SLC25A24: variants seen among roughly 807,000 people sequenced by gnomAD.
SLC25A24 encodes solute carrier family 25 member 24, also known as mitochondrial adenyl nucleotide antiporter SLC25A24.
In SLC25A24, 49 loss-of-function variants were observed where a neutral mutation model predicts 60.7. That is an observed-to-expected ratio of 0.81 (90% CI 0.64 to 1.02). The LOEUF (loss-of-function observed/expected upper bound fraction) is 1.02, where lower values mean the gene tolerates loss of function less well. Ranked by LOEUF, SLC25A24 falls within the 50% of genes least tolerant of loss-of-function variation. The pLI, the probability that SLC25A24 is intolerant of heterozygous loss-of-function variation, is 0.00. For missense variants in SLC25A24, 564 were observed against 586.3 expected (o/e 0.96, Z 0.39); for synonymous variants, 202 against 200.6 (o/e 1.01, Z -0.06).
intron 3 of SLC25A24, among the ~76,000 whole-genome samples, chr1:108,167,930 G>T (rs1186210355): frequency 6.6e-6 from 1 of 152,240 alleles, no homozygotes; most frequent in East Asian, 1.9e-4. Context: ...AATGCCATTT[G>T]TATCTGTTTT....
rs539506711 is a variant in SLC25A24 at position 108,140,555 on chromosome 1, C to A, written c.1099-1347G>T. 2.7e-4 allele frequency among the ~76,000 whole-genome samples: 41 copies of A among 151,616 alleles called. 1 individual carries two copies. The highest frequency in any genetic ancestry group is 8.0e-4 in the African/African-American group (33 of 41,344). On this transcript the variant is annotated intron_variant, in intron 8 of 9. Transcript: ENST00000565488. ...CTAAATTTCAAAAACAAAATTTAAA[C>A]AGAATTTAAAGAAGAAAAGCATAAA...
intron 3 of SLC25A24, among the ~76,000 whole-genome samples, chr1:108,170,311 A>G (rs553385591): frequency 1.3e-5 from 2 of 152,292 alleles, no homozygotes; most frequent in South Asian, 4.1e-4. Context: ...TTTAATGCAT[A>G]GTGGTCAGAG....
intron 3 of SLC25A24, among the ~76,000 whole-genome samples, chr1:108,171,568 C>A (rs1435609467): frequency 6.6e-6 from 1 of 152,146 alleles, no homozygotes; most frequent in African/African-American, 2.4e-5. Context: ...CTTCCACTCA[C>A]CCTTTTCAGT....
chr1:108,156,058 C>A (rs1455479566), intron 5 of SLC25A24, among the ~76,000 whole-genome samples: 1 of 152,158 alleles, frequency 6.6e-6, no homozygotes. Flanking sequence ...GAACTCTGCA[C>A]ACCAAAGGCT....
chr1:108,136,696 A>G lies in SLC25A24; in HGVS notation c.1391T>C (p.Val464Ala), dbSNP rs1465021445. 1.2e-6 allele frequency: 2 copies of G among 1,613,464 alleles called. No individual in the cohort carries two copies. The highest frequency in any genetic ancestry group is 1.3e-5 in the African/African-American group (1 of 74,934). The stretch of plus-strand genomic sequence containing the variant: ...TAAAGTTTGCTTCATATTTTCATAA[A>G]CCACATAACTGATGCCTACAGCAGG... ...VLPAVGISYV[V>A]YENMKQTLGV... Residue 464 changes from valine to alanine, a missense_variant, in exon 10 of 10, where the codon GTT (valine) becomes GCT (alanine). Transcript: ENST00000565488.
intron 1 of SLC25A24, among the ~76,000 whole-genome samples, chr1:108,188,010 T>C (rs935678791): frequency 6.8e-6 from 1 of 147,336 alleles, no homozygotes; most frequent in South Asian, 2.1e-4. Flanking sequence ...AGTAAGGTTA[T>C]AGTACTATAT....
chr1:108,186,108 T>A (rs1427823683), intron 1 of SLC25A24, among the ~76,000 whole-genome samples, 154 bp from the exon 2 acceptor site: 1 of 152,238 alleles, frequency 6.6e-6, no homozygotes, highest in Non-Finnish European at 1.5e-5. Flanking sequence ...CAAAGATCTA[T>A]AATAAAAGTA....
intron 3 of SLC25A24, among the ~76,000 whole-genome samples, chr1:108,168,696 G>C (rs887599392): frequency 3.2e-4 from 48 of 152,280 alleles, no homozygotes; most frequent in Admixed American, 3.1e-3. Context: ...CTAACCGGTT[G>C]TATGTCTTTT....
chr1:108,196,786 C>T (rs1271707227), intron 1 of SLC25A24, among the ~76,000 whole-genome samples: 2 of 151,370 alleles, frequency 1.3e-5, no homozygotes, highest in African/African-American at 2.4e-5. Context: ...AAGCACTAAT[C>T]CCATTCATGA....
chr1:108,198,180 C>A (rs1018808730), intron 1 of SLC25A24, among the ~76,000 whole-genome samples: 5 of 152,182 alleles, frequency 3.3e-5, no homozygotes, highest in Admixed American at 2.6e-4. Context: ...AAATAAATGT[C>A]TTTTCTTTAT....
chr1:108,180,198 T>C (rs548281519), intron 3 of SLC25A24, among the ~76,000 whole-genome samples: 6 of 145,190 alleles, frequency 4.1e-5, no homozygotes. Flanking sequence ...AACCCGTCTC[T>C]AGTAAAAATA....
intron 2 of SLC25A24, among the ~76,000 whole-genome samples, chr1:108,183,667 C>A (rs529535323): frequency 6.6e-5 from 10 of 152,250 alleles, no homozygotes; most frequent in Admixed American, 2.0e-4. Flanking sequence ...GGCTTTCTTG[C>A]ACTTAGGAAC....
chr1:108,139,965 C>A (rs1301863123), intron 8 of SLC25A24, among the ~76,000 whole-genome samples: 1 of 152,118 alleles, frequency 6.6e-6, no homozygotes, highest in African/African-American at 2.4e-5. Flanking sequence ...AAAGGCCATA[C>A]TTTATCCCTG....
At chr1:108,167,311 G>T (rs1680285813) in intron 3 of SLC25A24, among the ~76,000 whole-genome samples, 1 of 151,950 alleles carries the variant, frequency 6.6e-6, no homozygotes, top group Non-Finnish European at 1.5e-5. Context: ...AGCTGTGGTG[G>T]GCTCCACCCA....
intron 2 of SLC25A24, among the ~76,000 whole-genome samples, chr1:108,184,569 T>C (rs1648053406): frequency 6.6e-6 from 1 of 152,240 alleles, no homozygotes; most frequent in Non-Finnish European, 1.5e-5. Flanking sequence ...TTGCTTTGAA[T>C]TAAACTTTAA....
At chr1:108,184,702 T>C (rs1648059392) in intron 2 of SLC25A24, among the ~76,000 whole-genome samples, 1 of 152,222 alleles carries the variant, frequency 6.6e-6, no homozygotes, top group African/African-American at 2.4e-5. Context: ...ATATTATCCA[T>C]GGCTGCTTTT....
At chr1:108,190,375 T>A (rs1648306653) in intron 1 of SLC25A24, among the ~76,000 whole-genome samples, 1 of 152,168 alleles carries the variant, frequency 6.6e-6, no homozygotes. Flanking sequence ...TCTGACCATT[T>A]GGGGCTGTTA....
At chr1:108,169,758 T>C (rs1306475156) in intron 3 of SLC25A24, among the ~76,000 whole-genome samples, 3 of 152,348 alleles carry the variant, frequency 2.0e-5, no homozygotes, top group African/African-American at 2.4e-5. Flanking sequence ...TTAGGTACTA[T>C]AAGCTGTTGC....
intron 3 of SLC25A24, among the ~76,000 whole-genome samples, chr1:108,164,042 G>A (rs1265821473): frequency 6.6e-6 from 1 of 152,172 alleles, no homozygotes; most frequent in East Asian, 1.9e-4. Flanking sequence ...TGCATCTATT[G>A]AGATAATCAT....
Sources: allele counts gnomAD v4.1 joint callset (sites outside exome capture counted in the v4.1 genomes callset), GRCh38; gene constraint gnomAD v4.1.1; transcripts MANE v1.5; gene names NCBI Gene and HGNC (gene_info 2026-07-23, HGNC 2026-07-21).